The following WWOX variants were observed in gnomAD, a reference collection of about 807,000 sequenced individuals.
WWOX encodes WW domain containing oxidoreductase.
In WWOX, 69 loss-of-function variants were observed where a neutral mutation model predicts 46.2. The observed-to-expected ratio is 1.49, with a 90% confidence interval of 1.23 to 1.82. The LOEUF is 1.82. WWOX is among the 40% of genes most tolerant of loss of function. The pLI is 0.00. For missense variants in WWOX, 919 were observed against 542.6 expected (o/e 1.69, Z -6.89); for synonymous variants, 359 against 202.6 (o/e 1.77, Z -6.56).
intron 8 of WWOX, among the ~76,000 whole-genome samples, chr16:78,606,841 G>A (rs891721794): frequency 6.6e-6 from 1 of 151,016 alleles, no homozygotes. Flanking sequence ...ATTAGCCTGT[G>A]TTGAATGTAA....
intron 5 of WWOX, among the ~76,000 whole-genome samples, chr16:78,334,976 C>G (rs563839264): frequency 6.6e-6 from 1 of 150,500 alleles, no homozygotes; most frequent in Admixed American, 6.6e-5. Flanking sequence ...TTATGAGATA[C>G]ACGAAGACAG....
At chr16:78,879,299 G>GT (rs2044295073) in intron 8 of WWOX, among the ~76,000 whole-genome samples, 1 of 152,152 alleles carries the variant, frequency 6.6e-6, no homozygotes, top group Non-Finnish European at 1.5e-5. Flanking sequence ...ATGAGACACC[G>GT]TAAGAGCTTG....
At chr16:78,549,092 C>G (rs1196122780) in intron 8 of WWOX, among the ~76,000 whole-genome samples, 3 of 152,098 alleles carry the variant, frequency 2.0e-5, no homozygotes, top group Non-Finnish European at 4.4e-5. Flanking sequence ...GAAAATAAAT[C>G]TCAGCTCTCT....
chr16:79,035,689 C>A (rs185476123), intron 8 of WWOX, among the ~76,000 whole-genome samples: 9 of 152,260 alleles, frequency 5.9e-5, no homozygotes, highest in Admixed American at 5.9e-4. Flanking sequence ...CAAGTGTGCA[C>A]CACCATGCCT....
intron 8 of WWOX, among the ~76,000 whole-genome samples, chr16:78,694,464 C>A (rs1251745612): frequency 1.3e-5 from 2 of 152,180 alleles, no homozygotes; most frequent in Non-Finnish European, 2.9e-5. Flanking sequence ...CGTCAGACAC[C>A]ACGTCAGTCT....
intron 8 of WWOX, among the ~76,000 whole-genome samples, chr16:78,788,165 C>G (rs916101405): frequency 2.6e-5 from 4 of 152,132 alleles, no homozygotes; most frequent in African/African-American, 4.8e-5. Context: ...TCCCCTTTAT[C>G]TATTTTGGAT....
chr16:78,465,429 A>C (rs1443638363), intron 8 of WWOX, among the ~76,000 whole-genome samples: 1 of 152,146 alleles, frequency 6.6e-6, no homozygotes, highest in East Asian at 1.9e-4. Flanking sequence ...GTCCGCCTGC[A>C]TCGGCCTCCC....
intron 8 of WWOX, among the ~76,000 whole-genome samples, chr16:78,808,041 C>T (rs946894296): frequency 6.6e-6 from 1 of 152,180 alleles, no homozygotes; most frequent in African/African-American, 2.4e-5. Context: ...TCCCATCTTT[C>T]CCCACAGACA....
chr16:78,786,631 T>C (rs1417747113), intron 8 of WWOX, among the ~76,000 whole-genome samples: 1 of 152,244 alleles, frequency 6.6e-6, no homozygotes, highest in Non-Finnish European at 1.5e-5. Context: ...CATGGTTATG[T>C]AATTTTCATC....
intron 8 of WWOX, among the ~76,000 whole-genome samples, chr16:78,602,947 C>T (rs1408539837): frequency 6.6e-6 from 1 of 152,172 alleles, no homozygotes; most frequent in Non-Finnish European, 1.5e-5. Flanking sequence ...TTAGCTTTCT[C>T]TTTCCATCTC....
chr16:78,402,948 A>G (rs918126110), intron 6 of WWOX, among the ~76,000 whole-genome samples: 1 of 152,164 alleles, frequency 6.6e-6, no homozygotes, highest in Non-Finnish European at 1.5e-5. Flanking sequence ...GTATTTCTTC[A>G]TTAGCTATTC....
chr16:78,392,077 G>C (rs1254973074), intron 6 of WWOX, among the ~76,000 whole-genome samples: 1 of 151,236 alleles, frequency 6.6e-6, no homozygotes, highest in African/African-American at 2.4e-5. Flanking sequence ...AGGGGTCCAT[G>C]ACCTCTAGGC....
chr16:79,082,093 T>C (rs887184040), intron 8 of WWOX, among the ~76,000 whole-genome samples: 1 of 152,158 alleles, frequency 6.6e-6, no homozygotes, highest in Admixed American at 6.5e-5. Context: ...TACAGCATCA[T>C]CAACTACATC....
intron 8 of WWOX, among the ~76,000 whole-genome samples, chr16:78,730,701 A>ATC: frequency 6.7e-6 from 1 of 149,836 alleles, no homozygotes; most frequent in East Asian, 2.0e-4. Context: ...CTCAAGCGAT[A>ATC]CTCCCTCCTT....
chr16:78,502,682 C>T (rs8062956), intron 8 of WWOX, among the ~76,000 whole-genome samples: 1 of 152,028 alleles, frequency 6.6e-6, no homozygotes, highest in African/African-American at 2.4e-5. Context: ...TTCCAATATC[C>T]TTTGATGACA....
chr16:78,131,886 G>C (rs1270796886), intron 4 of WWOX, among the ~76,000 whole-genome samples: 6 of 151,092 alleles, frequency 4.0e-5, no homozygotes, highest in Non-Finnish European at 8.8e-5. Context: ...GCCTGGCAAG[G>C]ATTTTTTTTT....
intron 5 of WWOX, among the ~76,000 whole-genome samples, chr16:78,171,010 T>G (rs564435397): frequency 1.6e-4 from 24 of 152,274 alleles, no homozygotes; most frequent in Admixed American, 8.5e-4. Context: ...AGTGAAGGGA[T>G]AGGGATAGTA....
At chr16:78,648,715 A>G (rs1353933082) in intron 8 of WWOX, among the ~76,000 whole-genome samples, 1 of 152,188 alleles carries the variant, frequency 6.6e-6, no homozygotes, top group Non-Finnish European at 1.5e-5. Flanking sequence ...CAATCGGAGC[A>G]TACTGGAAGT....
intron 8 of WWOX, chr16:78,898,676 G>C (rs921868459): frequency 3.3e-5 from 5 of 152,108 alleles, no homozygotes; most frequent in African/African-American, 1.2e-4. Flanking sequence ...TATTTGCTTT[G>C]GTATTGAATC....
Sources: gnomAD v4.1 joint callset for allele counts (sites outside exome capture counted in the v4.1 genomes callset) on GRCh38, gnomAD v4.1.1 for gene constraint, MANE v1.5 for transcripts, NCBI Gene and HGNC (gene_info 2026-07-23, HGNC 2026-07-21) for gene names.